Variants in PLEKHM3 observed in about 807,000 individuals in gnomAD.
PLEKHM3 encodes the protein pleckstrin homology domain-containing family M member 3.
Under a neutral mutation model 81.8 loss-of-function variants are expected in PLEKHM3, and 45 were observed. That is an observed-to-expected ratio of 0.55 (90% CI 0.43 to 0.71). The LOEUF (loss-of-function observed/expected upper bound fraction) is 0.71, where lower values mean the gene tolerates loss of function less well. Among genes scored for constraint, PLEKHM3 ranks in the 30% least tolerant of loss-of-function variants. The probability of loss-of-function intolerance (pLI) is 0.00; values close to 1 mark genes in which losing one functional copy is unlikely to be tolerated. For missense variants in PLEKHM3, 788 were observed against 924.3 expected (o/e 0.85, Z 1.91); for synonymous variants, 352 against 356.4 (o/e 0.99, Z 0.14).
At chr2:208,005,764 T>C (rs1184288997) in intron 1 of PLEKHM3, among the ~76,000 whole-genome samples, 2 of 152,346 alleles carry the variant, frequency 1.3e-5, no homozygotes, top group East Asian at 3.9e-4. Flanking sequence ...TTGTGTTCAT[T>C]GTGTTCACTA....
chr2:207,997,102 T>C (rs948186551), intron 2 of PLEKHM3, among the ~76,000 whole-genome samples: 2 of 152,160 alleles, frequency 1.3e-5, no homozygotes, highest in African/African-American at 4.8e-5. Flanking sequence ...TTGGAAACCC[T>C]GGCAGTCTAG....
intron 5 of PLEKHM3, among the ~76,000 whole-genome samples, chr2:207,929,196 A>C (rs761783309): frequency 7.9e-5 from 12 of 152,226 alleles, no homozygotes; most frequent in Non-Finnish European, 1.3e-4. Context: ...CTTCATTCTC[A>C]TAGCTTTGGG....
intron 6 of PLEKHM3, among the ~76,000 whole-genome samples, chr2:207,908,276 T>A (rs530496239): frequency 6.6e-6 from 1 of 152,376 alleles, no homozygotes; most frequent in South Asian, 2.1e-4. Flanking sequence ...GTGGCTAACG[T>A]ACTTTGCATC....
chr2:208,016,513 G>C (rs1221684129), intron 1 of PLEKHM3, among the ~76,000 whole-genome samples: 1 of 151,776 alleles, frequency 6.6e-6, no homozygotes, highest in Non-Finnish European at 1.5e-5. Context: ...GCCAGTCATG[G>C]TGGCGCATGG....
chr2:207,865,688 G>A (rs2092492037), intron 6 of PLEKHM3, among the ~76,000 whole-genome samples: 2 of 147,564 alleles, frequency 1.4e-5, no homozygotes, highest in African/African-American at 2.5e-5. Context: ...GCTAAGGAAG[G>A]AGAATTGCTT....
chr2:207,905,948 GGAGA>G (rs1343538709), intron 6 of PLEKHM3, among the ~76,000 whole-genome samples: 1 of 152,092 alleles, frequency 6.6e-6, no homozygotes, highest in Non-Finnish European at 1.5e-5. Flanking sequence ...AAAAGGGGGT[GGAGA>G]GAAAGACAGC....
At chr2:208,009,226 G>A (rs544682496) in intron 1 of PLEKHM3, among the ~76,000 whole-genome samples, 17 of 152,208 alleles carry the variant, frequency 1.1e-4, no homozygotes, top group African/African-American at 3.9e-4. Context: ...CCTCCAAACT[G>A]AATGCTATTG....
At chr2:207,937,260 C>T (rs1329174500) in intron 4 of PLEKHM3, among the ~76,000 whole-genome samples, 1 of 152,168 alleles carries the variant, frequency 6.6e-6, no homozygotes, top group Non-Finnish European at 1.5e-5. Context: ...CAGGACAGAA[C>T]AATCATTTAC....
chr2:207,946,442 G>A lies in PLEKHM3; in HGVS notation c.1617C>T (p.Cys539=). 6.2e-7 allele frequency: 1 copy of A among 1,614,128 alleles called. No individual in the cohort carries two copies. Among genetic ancestry groups the A allele is most frequent in the Admixed American group, 1.7e-5 (1 of 60,024 alleles). Residue 539 remains cysteine (C), a synonymous_variant, in exon 4 of 8, where the codon TGC becomes TGT. Transcript: ENST00000427836. ...AGCTGTCATCCACGTGGCAGCTACT[G>A]CAGTAATACCACCCACTGTAGTTGC... The part of the protein sequence containing the change: ...KVCNYSGWYY[C]SSCHVDDSFL...
At chr2:207,896,839 A>C (rs1006184205) in intron 6 of PLEKHM3, among the ~76,000 whole-genome samples, 1 of 152,236 alleles carries the variant, frequency 6.6e-6, no homozygotes, top group African/African-American at 2.4e-5. Context: ...CAGCTGTAGA[A>C]AGAGTGTGGA....
intron 4 of PLEKHM3, among the ~76,000 whole-genome samples, chr2:207,936,865 G>GTA (rs1408084379): frequency 5.9e-5 from 9 of 151,888 alleles, no homozygotes; most frequent in African/African-American, 1.9e-4. Context: ...GTGTGTGTGT[G>GTA]TGTGTGTGTG....
intron 3 of PLEKHM3, among the ~76,000 whole-genome samples, chr2:207,956,337 G>A (rs1341429675): frequency 6.6e-6 from 1 of 151,996 alleles, no homozygotes; most frequent in Admixed American, 6.6e-5. Flanking sequence ...GCCGGGCGTG[G>A]TGGTGGGTGC....
chr2:207,861,870 G>C (rs1267192291), intron 6 of PLEKHM3, among the ~76,000 whole-genome samples: 6 of 152,050 alleles, frequency 3.9e-5, no homozygotes, highest in African/African-American at 1.4e-4. Context: ...TTTAAAAATT[G>C]GGAAATTTCA....
chr2:208,018,496 ATAGAG>A (rs779566144), intron 1 of PLEKHM3, among the ~76,000 whole-genome samples: 2 of 152,062 alleles, frequency 1.3e-5, no homozygotes, highest in Admixed American at 6.5e-5. Context: ...AACATTCACC[ATAGAG>A]TAAAGGACAT....
At chr2:207,990,915 C>T (rs1269039729) in intron 2 of PLEKHM3, among the ~76,000 whole-genome samples, 3 of 152,264 alleles carry the variant, frequency 2.0e-5, no homozygotes, top group South Asian at 4.1e-4. Flanking sequence ...GGAAACAGAC[C>T]TGTAACATAT....
chr2:207,860,149 C>CTGTGTGTGTGTGTGTGTG (rs1491556619), intron 7 of PLEKHM3, among the ~76,000 whole-genome samples: 6 of 63,834 alleles, frequency 9.4e-5, no homozygotes, highest in East Asian at 7.3e-4. Flanking sequence ...TGAACTCTGC[C>CTGTGTGTGTGTGTGTGTG]TCTGTGTGTG....
intron 6 of PLEKHM3, among the ~76,000 whole-genome samples, chr2:207,890,795 C>G (rs1317197374): frequency 6.6e-6 from 1 of 152,158 alleles, no homozygotes; most frequent in African/African-American, 2.4e-5. Context: ...TTCTATTAGG[C>G]CATTGTCACT....
intron 6 of PLEKHM3, among the ~76,000 whole-genome samples, chr2:207,898,602 A>G (rs1233247863): frequency 1.3e-5 from 2 of 152,102 alleles, no homozygotes; most frequent in Non-Finnish European, 2.9e-5. Flanking sequence ...AAAAAACCCC[A>G]CAAAAATTAG....
At position 207,908,676 on chromosome 2, in the gene PLEKHM3, C is replaced by T. The variant is rs187881668; in HGVS notation, c.1887-99G>A. ...TCATTCAAGAATTCCTTTCCTCTGCCCTGTCCACTTTCCACCTATACTTCT... is the reference window on the plus strand; with the variant it reads ...TCATTCAAGAATTCCTTTCCTCTGCTCTGTCCACTTTCCACCTATACTTCT... On this transcript the variant is annotated intron_variant, in intron 5 of 7. Coordinates refer to ENST00000427836, the MANE Select transcript of PLEKHM3 (RefSeq NM_001080475.3). 7.0e-4 allele frequency: 731 copies of T among 1,047,822 alleles called. 6 individuals carry two copies. The Middle Eastern group carries it at 0.02, about 28-fold the overall frequency. 64.9% of individuals were successfully genotyped at this position (1,047,822 alleles called of 1,614,324 possible).
Sources: gnomAD v4.1 joint callset for allele counts (sites outside exome capture counted in the v4.1 genomes callset) on GRCh38, gnomAD v4.1.1 for gene constraint, MANE v1.5 for transcripts, NCBI Gene and HGNC (gene_info 2026-07-23, HGNC 2026-07-21) for gene names.